LIG1: variants seen among roughly 807,000 people sequenced by gnomAD.
LIG1 encodes the protein DNA ligase 1.
LIG1 carries 70 observed loss-of-function variants against 115.7 expected under a neutral mutation model. That is an observed-to-expected ratio of 0.60 (90% CI 0.50 to 0.74). LIG1 has a LOEUF of 0.74. Among genes scored for constraint, LIG1 ranks in the 30% least tolerant of loss-of-function variants. The pLI is 0.00. For missense variants in LIG1, 1,115 were observed against 1,225.6 expected (o/e 0.91, Z 1.35); for synonymous variants, 487 against 495.3 (o/e 0.98, Z 0.22).
intron 5 of LIG1, among the ~76,000 whole-genome samples, chr19:48,155,744 A>G (rs1260578367): frequency 5.3e-5 from 8 of 152,212 alleles, no homozygotes; most frequent in Non-Finnish European, 1.2e-4. Flanking sequence ...TCAAAATCCA[A>G]TGAACTCACT....
chr19:48,169,438 T>C (rs2036651004), intron 1 of LIG1, among the ~76,000 whole-genome samples: 1 of 152,208 alleles, frequency 6.6e-6, no homozygotes, highest in South Asian at 2.1e-4. Context: ...GGAAGATGGA[T>C]ATACTCTTTT....
chr19:48,132,831 G>C (rs2034125845), intron 18 of LIG1, 151 bp downstream of exon 18: 2 of 631,382 alleles, frequency 3.2e-6, no homozygotes, highest in Non-Finnish European at 5.8e-6. Flanking sequence ...CACACTCACT[G>C]CATGGAGGTG....
chr19:48,120,969 C>A (rs546247239), intron 24 of LIG1: 54 of 1,458,126 alleles, frequency 3.7e-5, no homozygotes, highest in Non-Finnish European at 4.8e-5. Context: ...ACATTCCTGA[C>A]ATCTTTCTAT....
At chr19:48,161,748 C>G (rs1425089616) in intron 3 of LIG1, among the ~76,000 whole-genome samples, 1 of 152,016 alleles carries the variant, frequency 6.6e-6, no homozygotes, top group South Asian at 2.1e-4. Context: ...GAGTGCCTGC[C>G]CTGTGATGGG....
chr19:48,157,187 C>G (rs781749554), intron 4 of LIG1, 47 bp from the exon 5 acceptor site: 1 of 1,573,132 alleles, frequency 6.4e-7, no homozygotes, highest in Non-Finnish European at 8.6e-7. Flanking sequence ...GAAGGAGGGA[C>G]TCCATTTTCC....
intron 4 of LIG1, chr19:48,161,129 A>G: frequency 1.7e-6 from 1 of 580,310 alleles, no homozygotes; most frequent in East Asian, 3.0e-5. Context: ...GGAAGGTGTT[A>G]CCAGGAGCTG....
In LIG1 at chr19:48,117,660, A is replaced by G. The variant is rs1212731777; in HGVS notation, c.2561T>C (p.Ile854Thr). 1.2e-6 allele frequency: 2 copies of G among 1,612,794 alleles called. No homozygotes were observed. Among genetic ancestry groups the G allele is most frequent in the Non-Finnish European group, 1.7e-6 (2 of 1,179,670 alleles). The change falls in exon 26 of 28, where the codon ATC (isoleucine) becomes ACC (threonine). Residue 854 changes from isoleucine to threonine, a missense_variant. By Grantham distance (89) the Ile-to-Thr change is moderately conservative. Coordinates refer to ENST00000263274, the MANE Select transcript of LIG1 (RefSeq NM_000234.3). ...CACCAGGCCCCGCGCAGCAGGGTAG[A>G]TGGGAGAGAGGGAGAGGTCAGCGCA... is the stretch of plus-strand genomic sequence containing the variant. ...VKCADLSLSPIYPAARGLVDS... is the reference protein window; with the variant it reads ...VKCADLSLSPTYPAARGLVDS...
chr19:48,143,187 T>C (rs2034886832), intron 11 of LIG1, among the ~76,000 whole-genome samples: 1 of 152,178 alleles, frequency 6.6e-6, no homozygotes, highest in African/African-American at 2.4e-5. Context: ...CACCTTCTTT[T>C]GTGAATATGG....
At chr19:48,169,149 C>T (rs1040225517) in intron 1 of LIG1, among the ~76,000 whole-genome samples, 3 of 152,298 alleles carry the variant, frequency 2.0e-5, no homozygotes, top group Non-Finnish European at 2.9e-5. Context: ...ATAACAATCT[C>T]CGAATGACAA....
chr19:48,151,455 G>A lies in LIG1; in HGVS notation c.467-116C>T, dbSNP rs3730905. 6.8e-3 allele frequency: 5,026 copies of A among 735,572 alleles called. 204 individuals are homozygous for A. The African/African-American group carries it at 0.077, about 11-fold the overall frequency. The allele number at this position is 735,572 out of a possible 1,614,324, so 45.6% of individuals were successfully genotyped here. A position where few individuals can be genotyped will look rare whatever the true frequency, so the allele number is the denominator to read the frequency against. On this transcript the variant is annotated intron_variant, in intron 6 of 27. Coordinates refer to ENST00000263274, the MANE Select transcript of LIG1 (RefSeq NM_000234.3). ...CATCTGTTCTTTTTTTTGAGACAGA[G>A]TTTCGTTCTTACCGCCCAGGCTGGA...
chr19:48,152,697 A>G (rs1157174759), intron 6 of LIG1, among the ~76,000 whole-genome samples: 1 of 152,198 alleles, frequency 6.6e-6, no homozygotes, highest in Non-Finnish European at 1.5e-5. Context: ...GAGGTATTTC[A>G]GTTTTCAGTA....
chr19:48,141,178 C>T (rs1448697271), intron 11 of LIG1, among the ~76,000 whole-genome samples: 2 of 152,360 alleles, frequency 1.3e-5, no homozygotes, highest in South Asian at 2.1e-4. Context: ...CTCGCTCCAT[C>T]GCCCAAGGTA....
chr19:48,145,191 G>A (rs1002577862), intron 9 of LIG1, among the ~76,000 whole-genome samples: 2 of 152,124 alleles, frequency 1.3e-5, no homozygotes, highest in African/African-American at 2.4e-5. Flanking sequence ...GAGCCACTGC[G>A]CCCGGCCTCA....
rs35538558 is a variant in LIG1 at position 48,159,080 on chromosome 19, A to ATTT, written c.244-1943_244-1941dup. On this transcript the variant is annotated intron_variant, in intron 4 of 27. Transcript: ENST00000263274. ...CTGATGGAGATACAGGTCTCAGATAATTTTTTTTTTTTTTTGAGATGGAGT... is the reference window on the plus strand; with the variant it reads ...CTGATGGAGATACAGGTCTCAGATAATTTTTTTTTTTTTTTTTTGAGATGGAGT... Among the ~76,000 whole-genome samples, 1,083 of 140,852 alleles carry ATTT rather than the reference A, an allele frequency of 7.7e-3. 18 individuals carry two copies. The highest frequency in any genetic ancestry group is 0.024 in the African/African-American group (866 of 36,222). The allele number at this position is 140,852 out of a possible 152,430, so 92.4% of individuals were successfully genotyped here. A position where few individuals can be genotyped will look rare whatever the true frequency, so the allele number is the denominator to read the frequency against.
intron 25 of LIG1, 172 bp from the exon 26 acceptor site, chr19:48,117,953 C>A: frequency 3.0e-6 from 2 of 674,838 alleles, no homozygotes; most frequent in Non-Finnish European, 2.6e-6. Flanking sequence ...TTGAAGTAAA[C>A]AGAAATAGAA....
chr19:48,137,934 A>C lies in LIG1; in HGVS notation c.1088-246T>G. 1 of 591,998 alleles carries C rather than the reference A, an allele frequency of 1.7e-6. No homozygotes were observed. Among genetic ancestry groups the C allele is most frequent in the Non-Finnish European group, 3.1e-6 (1 of 326,646 alleles). 36.7% of individuals were successfully genotyped at this position (591,998 alleles called of 1,614,324 possible). A position where few individuals can be genotyped will look rare whatever the true frequency, so the allele number is the denominator to read the frequency against. The stretch of plus-strand genomic sequence containing the variant: ...GGAAAGCGGTGGATGAACGAGCATG[A>C]CCACACTCAGGGGAGACATCTGGGC... On this transcript the variant is annotated intron_variant, in intron 12 of 27. Transcript: ENST00000263274. The surrounding 1 kb of genome is among the most constrained non-coding windows in gnomAD (Gnocchi z 4.3).
intron 11 of LIG1, 37 bp from the exon 12 acceptor site, chr19:48,140,180 T>C (rs1384894862): frequency 6.4e-7 from 1 of 1,562,938 alleles, no homozygotes; most frequent in South Asian, 1.1e-5. Context: ...ACGTGGTTCC[T>C]CAAGGTCAAA....
intron 3 of LIG1, among the ~76,000 whole-genome samples, chr19:48,161,734 T>C (rs551512367): frequency 9.9e-5 from 15 of 151,712 alleles, no homozygotes; most frequent in Admixed American, 8.5e-4. Context: ...TCTGGAAGTC[T>C]CCAGAGTGCC....
At chr19:48,123,043 T>G (rs756484713) in intron 22 of LIG1, 27 bp from the exon 23 acceptor site, 1 of 1,612,950 alleles carries the variant, frequency 6.2e-7, no homozygotes, top group Non-Finnish European at 8.5e-7. Flanking sequence ...AGCGTGGTCC[T>G]TGGGAAGCCC....
Sources: allele counts gnomAD v4.1 joint callset (sites outside exome capture counted in the v4.1 genomes callset), GRCh38; gene constraint gnomAD v4.1.1; non-coding constraint Gnocchi (gnomAD v3.1); transcripts MANE v1.5; gene names NCBI Gene and HGNC (gene_info 2026-07-23, HGNC 2026-07-21).